The following FHIT variants were observed in gnomAD, a reference collection of about 807,000 sequenced individuals.
FHIT encodes the protein fragile histidine triad diadenosine triphosphatase, also known as bis(5'-adenosyl)-triphosphatase.
A neutral mutation model predicts 17.9 loss-of-function variants in FHIT; 19 were observed. The observed-to-expected ratio is 1.06, with a 90% CI of 0.74 to 1.56. The LOEUF (loss-of-function observed/expected upper bound fraction) is 1.56. FHIT is among the 40% of genes most tolerant of loss of function. FHIT has a pLI of 0.00. For synonymous variants in FHIT, 81 were observed against 69.7 expected (o/e 1.16, Z -0.81); for missense variants, 248 against 189.2 (o/e 1.31, Z -1.82).
chr3:60,111,310 G>A (rs936944555), intron 5 of FHIT, among the ~76,000 whole-genome samples: 1 of 152,134 alleles, frequency 6.6e-6, no homozygotes, highest in African/African-American at 2.4e-5. Context: ...CTTAAATCTG[G>A]AATGAGTAAA....
intron 5 of FHIT, among the ~76,000 whole-genome samples, chr3:60,432,981 G>C (rs993545325): frequency 6.6e-6 from 1 of 150,618 alleles, no homozygotes; most frequent in Non-Finnish European, 1.5e-5. Context: ...AAGTGCACTA[G>C]ATAATATTGT....
chr3:60,239,293 C>A (rs1171585975), intron 5 of FHIT, among the ~76,000 whole-genome samples: 1 of 152,108 alleles, frequency 6.6e-6, no homozygotes, highest in East Asian at 1.9e-4. Context: ...GGAGGAGAGG[C>A]TCATGTCTGT....
chr3:61,096,442 G>C (rs2035641594), intron 2 of FHIT, among the ~76,000 whole-genome samples: 1 of 152,218 alleles, frequency 6.6e-6, no homozygotes, highest in Admixed American at 6.5e-5. Flanking sequence ...CTGGGACACA[G>C]TTAGGCAAGA....
At chr3:59,810,017 G>C (rs1014403719) in intron 8 of FHIT, among the ~76,000 whole-genome samples, 6 of 152,132 alleles carry the variant, frequency 3.9e-5, no homozygotes, top group African/African-American at 1.4e-4. Context: ...AACCAAAGAA[G>C]CTTCAAATCT....
chr3:61,169,193 T>G (rs6806667), intron 2 of FHIT, among the ~76,000 whole-genome samples: 28,611 of 152,152 alleles, frequency 0.19, 2,978 homozygotes, highest in East Asian at 0.36. Flanking sequence ...TTGCACCACT[T>G]CGTAAGTTGT....
intron 4 of FHIT, among the ~76,000 whole-genome samples, chr3:60,737,381 G>C (rs1021625092): frequency 6.6e-5 from 10 of 152,182 alleles, no homozygotes; most frequent in Non-Finnish European, 5.9e-5. Flanking sequence ...AACAAGAGTT[G>C]GGCCATGACC....
At chr3:59,833,872 T>C (rs1701250137) in intron 8 of FHIT, among the ~76,000 whole-genome samples, 1 of 152,158 alleles carries the variant, frequency 6.6e-6, no homozygotes, top group African/African-American at 2.4e-5. Flanking sequence ...CTTAAGTGTA[T>C]GGCACTTCCC....
At chr3:60,721,099 T>G (rs543642286) in intron 4 of FHIT, among the ~76,000 whole-genome samples, 1 of 152,178 alleles carries the variant, frequency 6.6e-6, no homozygotes, top group Admixed American at 6.5e-5. Context: ...AATTGCTTTG[T>G]GGGAGCAATT....
At chr3:60,468,113 G>T (rs1414402460) in intron 5 of FHIT, among the ~76,000 whole-genome samples, 1 of 151,916 alleles carries the variant, frequency 6.6e-6, no homozygotes, top group Non-Finnish European at 1.5e-5. Flanking sequence ...AGCTCCTCCT[G>T]CTCTTTTTGG....
chr3:60,357,489 C>T (rs1576530502), intron 5 of FHIT, among the ~76,000 whole-genome samples: 1 of 152,152 alleles, frequency 6.6e-6, no homozygotes, highest in Non-Finnish European at 1.5e-5. Flanking sequence ...AGGTGATCCA[C>T]CTGCCTCAGC....
At chr3:60,229,989 G>C (rs1460446503) in intron 5 of FHIT, among the ~76,000 whole-genome samples, 1 of 152,078 alleles carries the variant, frequency 6.6e-6, no homozygotes, top group Non-Finnish European at 1.5e-5. Context: ...CTCTAAAAAA[G>C]ATAACAAGAA....
At chr3:60,702,275 T>C (rs9875027) in intron 4 of FHIT, among the ~76,000 whole-genome samples, 17,782 of 152,228 alleles carry the variant, frequency 0.12, 2,306 homozygotes, top group African/African-American at 0.32. Flanking sequence ...TTAATAACAG[T>C]AACTTTATAT....
chr3:61,209,564 G>C (rs1019997972), intron 1 of FHIT, among the ~76,000 whole-genome samples: 5 of 143,312 alleles, frequency 3.5e-5, no homozygotes, highest in Non-Finnish European at 6.2e-5. Context: ...CATTTCATTC[G>C]TCTTCCATCA....
At chr3:60,201,118 C>T (rs1262557019) in intron 5 of FHIT, among the ~76,000 whole-genome samples, 1 of 152,142 alleles carries the variant, frequency 6.6e-6, no homozygotes, top group East Asian at 1.9e-4. Flanking sequence ...TTGGTCTTTA[C>T]TGCTCCCTCT....
At chr3:60,167,631 C>A (rs527675560) in intron 5 of FHIT, among the ~76,000 whole-genome samples, 2 of 152,208 alleles carry the variant, frequency 1.3e-5, no homozygotes, top group African/African-American at 4.8e-5. Context: ...GAATGAACTG[C>A]ACAGTCTTCA....
chr3:61,127,684 G>A (rs560883515), intron 2 of FHIT, among the ~76,000 whole-genome samples: 71 of 152,012 alleles, frequency 4.7e-4, no homozygotes, highest in Admixed American at 9.8e-4. Flanking sequence ...GACCAATATG[G>A]TGAAACCCCA....
At chr3:60,272,795 C>T (rs1029480423) in intron 5 of FHIT, among the ~76,000 whole-genome samples, 20 of 152,190 alleles carry the variant, frequency 1.3e-4, no homozygotes, top group Admixed American at 9.2e-4. Context: ...ATAGGCCTTC[C>T]TTCCACCTTT....
intron 7 of FHIT, among the ~76,000 whole-genome samples, chr3:59,946,288 G>A (rs564128799): frequency 6.6e-6 from 1 of 152,264 alleles, no homozygotes; most frequent in African/African-American, 2.4e-5. Context: ...TGACTATTGT[G>A]AATGGGACTG....
intron 2 of FHIT, among the ~76,000 whole-genome samples, chr3:61,198,460 A>C (rs1435451236): frequency 6.6e-6 from 1 of 152,150 alleles, no homozygotes; most frequent in Non-Finnish European, 1.5e-5. Flanking sequence ...CAGTTCCACT[A>C]GCCTAATTAC....
Sources: allele counts gnomAD v4.1 joint callset (sites outside exome capture counted in the v4.1 genomes callset), GRCh38; gene constraint gnomAD v4.1.1; transcripts MANE v1.5; gene names NCBI Gene and HGNC (gene_info 2026-07-23, HGNC 2026-07-21).